MMP16: variants seen among roughly 807,000 people sequenced by gnomAD.
The protein encoded by MMP16 is matrix metalloproteinase-16.
A neutral mutation model predicts 67.8 loss-of-function variants in MMP16; 12 were observed. The observed-to-expected ratio is 0.18, with a 90% CI of 0.11 to 0.29. The LOEUF (loss-of-function observed/expected upper bound fraction) is 0.29. Ranked by LOEUF, MMP16 falls within the 10% of genes least tolerant of loss-of-function variation. The probability of loss-of-function intolerance (pLI) is 1.00; values close to 1 mark genes in which losing one functional copy is unlikely to be tolerated. For missense variants in MMP16, 475 were observed against 765.7 expected, an observed-to-expected ratio of 0.62 and a Z score of 4.48; for synonymous variants, 249 against 255.9, an observed-to-expected ratio of 0.97 and a Z score of 0.26.
At chr8:88,060,826 T>C (rs1808389341) in intron 7 of MMP16, among the ~76,000 whole-genome samples, 1 of 151,966 alleles carries the variant, frequency 6.6e-6, no homozygotes, top group Non-Finnish European at 1.5e-5. Context: ...AATAAATAAA[T>C]AGTTACTGAT....
chr8:88,167,628 A>C, intron 4 of MMP16, 41 bp downstream of exon 4: 1 of 1,496,362 alleles, frequency 6.7e-7, no homozygotes, highest in Non-Finnish European at 9.0e-7. Context: ...TTCTGAAATA[A>C]TAATAGAAAT....
chr8:88,311,799 A>G (rs1429619872), intron 1 of MMP16, among the ~76,000 whole-genome samples: 3 of 152,134 alleles, frequency 2.0e-5, no homozygotes, highest in Non-Finnish European at 4.4e-5. Context: ...CTACAGGGCT[A>G]GAGAAAGGGG....
At chr8:88,280,991 C>T (rs1585996713) in intron 1 of MMP16, among the ~76,000 whole-genome samples, 1 of 152,142 alleles carries the variant, frequency 6.6e-6, no homozygotes, top group Admixed American at 6.5e-5. Context: ...ACCAACCTCA[C>T]ATAGTACACA....
chr8:88,073,363 T>C (rs1308893770), intron 7 of MMP16, among the ~76,000 whole-genome samples: 1 of 152,194 alleles, frequency 6.6e-6, no homozygotes, highest in Non-Finnish European at 1.5e-5. Context: ...TGAGGGCTTA[T>C]ACATGCCAGG....
intron 6 of MMP16, among the ~76,000 whole-genome samples, chr8:88,113,194 A>T (rs1490381981): frequency 6.6e-6 from 1 of 151,878 alleles, no homozygotes; most frequent in African/African-American, 2.4e-5. Flanking sequence ...ATAAGAAATA[A>T]TTACAGAAGA....
At chr8:88,118,117 T>A (rs1311851138) in intron 5 of MMP16, among the ~76,000 whole-genome samples, 2 of 152,092 alleles carry the variant, frequency 1.3e-5, no homozygotes, top group African/African-American at 2.4e-5. Context: ...TTGTACTCTG[T>A]ATTAATAAAC....
At chr8:88,065,646 A>G (rs1432557450) in intron 7 of MMP16, among the ~76,000 whole-genome samples, 1 of 152,082 alleles carries the variant, frequency 6.6e-6, no homozygotes. Flanking sequence ...GAAATAAATA[A>G]TCATTGTACT....
intron 1 of MMP16, among the ~76,000 whole-genome samples, chr8:88,307,194 C>A (rs1563590918): frequency 6.6e-6 from 1 of 152,116 alleles, no homozygotes; most frequent in East Asian, 1.9e-4. Context: ...CCCATACTTT[C>A]CTGGTGCACT....
At chr8:88,231,303 A>T (rs1377325363) in intron 1 of MMP16, among the ~76,000 whole-genome samples, 2 of 152,174 alleles carry the variant, frequency 1.3e-5, no homozygotes, top group Non-Finnish European at 2.9e-5. Context: ...ACCCAGTATA[A>T]ACATAAAATT....
At chr8:88,201,579 A>G (rs1191093828) in intron 1 of MMP16, among the ~76,000 whole-genome samples, 1 of 152,102 alleles carries the variant, frequency 6.6e-6, no homozygotes, top group Non-Finnish European at 1.5e-5. Flanking sequence ...CTTCACCTCA[A>G]ATTTTAACAT....
intron 7 of MMP16, among the ~76,000 whole-genome samples, chr8:88,063,956 T>TA (rs1032536055): frequency 7.9e-5 from 12 of 151,998 alleles, no homozygotes; most frequent in Non-Finnish European, 1.2e-4. Flanking sequence ...CTAAGGAAAT[T>TA]AAAAAAAATC....
At chr8:88,079,010 A>G (rs902625243) in intron 6 of MMP16, among the ~76,000 whole-genome samples, 5 of 152,164 alleles carry the variant, frequency 3.3e-5, no homozygotes, top group East Asian at 1.9e-4. Context: ...ATGCCAATGC[A>G]AAGCCTCTGC....
chr8:88,215,872 A>C (rs1446594210), intron 1 of MMP16, among the ~76,000 whole-genome samples: 1 of 152,168 alleles, frequency 6.6e-6, no homozygotes, highest in African/African-American at 2.4e-5. Flanking sequence ...TAGACATGCC[A>C]ATTTGAGTGT....
At chr8:88,178,154 A>C (rs1307323282) in intron 3 of MMP16, among the ~76,000 whole-genome samples, 1 of 152,210 alleles carries the variant, frequency 6.6e-6, no homozygotes, top group Admixed American at 6.5e-5. Flanking sequence ...TTTCAACAAA[A>C]AATTACAAAC....
In MMP16 at chr8:88,193,538, G is replaced by A. The variant is rs147988089; in HGVS notation, c.281+3620C>T. Among the ~76,000 whole-genome samples the A allele has an allele frequency of 4.9e-3, 739 of 152,082 alleles. 8 individuals carry two copies. The highest frequency in any genetic ancestry group is 0.017 in the African/African-American group (698 of 41,514). On this transcript the variant is annotated intron_variant, in intron 2 of 9. Coordinates refer to ENST00000286614, the MANE Select transcript of MMP16 (RefSeq NM_005941.5). ...AGATAGTAGTAAATAGCACACTAGG[G>A]TGACTACAGGTAAAAACAATTTATT...
intron 4 of MMP16, among the ~76,000 whole-genome samples, chr8:88,156,838 T>G (rs926000215): frequency 1.3e-5 from 2 of 152,070 alleles, no homozygotes; most frequent in African/African-American, 2.4e-5. Flanking sequence ...GAAGGAAAAT[T>G]TCTACAGAGA....
At chr8:88,096,904 T>C (rs1041674358) in intron 6 of MMP16, among the ~76,000 whole-genome samples, 1 of 151,966 alleles carries the variant, frequency 6.6e-6, no homozygotes, top group African/African-American at 2.4e-5. Flanking sequence ...AGTGATCATA[T>C]TTATTATATA....
At chr8:88,078,642 C>A (rs544122283) in intron 6 of MMP16, among the ~76,000 whole-genome samples, 1 of 152,080 alleles carries the variant, frequency 6.6e-6, no homozygotes, top group Non-Finnish European at 1.5e-5. Flanking sequence ...TGTGCCACTG[C>A]ACTCCGCCAG....
chr8:88,127,984 G>A (rs911794191), intron 4 of MMP16, among the ~76,000 whole-genome samples: 3 of 151,830 alleles, frequency 2.0e-5, no homozygotes, highest in Non-Finnish European at 4.4e-5. Context: ...ACAAGGAGAT[G>A]GGTTGGCTCT....
Sources: allele counts gnomAD v4.1 joint callset (sites outside exome capture counted in the v4.1 genomes callset), GRCh38; gene constraint gnomAD v4.1.1; transcripts MANE v1.5; gene names NCBI Gene and HGNC (gene_info 2026-07-23, HGNC 2026-07-21).